Variants in PIP4K2B observed in about 807,000 individuals in gnomAD.
PIP4K2B encodes phosphatidylinositol-5-phosphate 4-kinase type 2 beta, also known as phosphatidylinositol 5-phosphate 4-kinase type-2 beta.
Under a neutral mutation model 42.0 loss-of-function variants are expected in PIP4K2B, and 3 were observed. The observed-to-expected ratio is 0.07, with a 90% CI of 0.03 to 0.18. PIP4K2B has a LOEUF of 0.18. PIP4K2B is among the 10% of genes least tolerant of loss of function. PIP4K2B has a pLI of 1.00. For synonymous variants in PIP4K2B, 204 were observed against 210.1 expected, an observed-to-expected ratio of 0.97 and a Z score of 0.25; for missense variants, 332 against 562.3, an observed-to-expected ratio of 0.59 and a Z score of 4.14.
At position 38,769,703 on chromosome 17, in the gene PIP4K2B, G is replaced by A. The variant is rs549240348; in HGVS notation, c.1239C>T (p.Asn413=). ...AGGTAGAAGAGAACTACGTCAGGATGTTGGACATAAACTCGTTGAAGCGTT... is the reference window on the plus strand; with the variant it reads ...AGGTAGAAGAGAACTACGTCAGGATATTGGACATAAACTCGTTGAAGCGTT... The part of the protein sequence containing the change: ...YSKRFNEFMS[N]ILT The change falls in exon 10 of 10, where the codon AAC becomes AAT. Residue 413 remains asparagine (N), a synonymous_variant. Transcript: ENST00000619039. 6.3e-6 allele frequency: 10 copies of A among 1,580,900 alleles called. No homozygotes were observed. In the African/African-American group the frequency reaches 1.3e-4, roughly 21 times the overall value.
rs77792159 is a variant in PIP4K2B at position 38,780,142 on chromosome 17, T to C, written c.507+310A>G. Among the ~76,000 whole-genome samples the C allele has an allele frequency of 3.5e-3, 532 of 152,160 alleles. 7 individuals are homozygous for C. The East Asian group carries it at 0.036, about 10-fold the overall frequency. ...GACAGGTTCCAGATGAGTGGAGAGATGGGACGGGAAAAGAAACAAGCCTGC... is the reference window on the plus strand; with the variant it reads ...GACAGGTTCCAGATGAGTGGAGAGACGGGACGGGAAAAGAAACAAGCCTGC... On this transcript the variant is annotated intron_variant, in intron 4 of 9. Transcript: ENST00000619039.
At chr17:38,796,099 C>T (rs1426222082) in intron 1 of PIP4K2B, among the ~76,000 whole-genome samples, 8 of 152,200 alleles carry the variant, frequency 5.3e-5, no homozygotes, top group Non-Finnish European at 8.8e-5. Flanking sequence ...GATTGCACCA[C>T]TGCACTCCAG....
chr17:38,770,689 C>A lies in PIP4K2B; in HGVS notation c.1067-150G>T, dbSNP rs1024068455. ...AAAGGACCAGTGGAGTCCTTTCCAG[C>A]TGTCATAGCTCTTATCTTATTGGAT... On this transcript the variant is annotated intron_variant, in intron 8 of 9. Coordinates refer to ENST00000619039, the MANE Select transcript of PIP4K2B (RefSeq NM_003559.5). 4.6e-6 allele frequency: 3 copies of A among 650,156 alleles called. No homozygotes were observed. The African/African-American group carries it at 5.5e-5, about 12-fold the overall frequency. 40.3% of individuals were successfully genotyped at this position (650,156 alleles called of 1,614,324 possible).
rs1425630895 is a variant in PIP4K2B, at chr17:38,777,729, C to A, written c.765G>T (p.Glu255Asp). 1 of 1,614,128 alleles carries A rather than the reference C, an allele frequency of 6.2e-7. No homozygotes were observed. The highest frequency in any genetic ancestry group is 2.2e-5 in the East Asian group (1 of 44,880). Residue 255 changes from glutamate (E) to aspartate (D), a missense_variant, in exon 7 of 10, where the codon GAG becomes GAT. Glu to Asp is a conservative substitution (Grantham distance 45). Coordinates refer to ENST00000619039, the MANE Select transcript of PIP4K2B (RefSeq NM_003559.5). ...NEGQKLHVGE[E>D]SKKNFLEKLK... ...GTTTCTCCAGGAAGTTCTTTTTACTCTCCTCTCCCACATGCAGCTTCTGCC... is the reference window on the plus strand; with the variant it reads ...GTTTCTCCAGGAAGTTCTTTTTACTATCCTCTCCCACATGCAGCTTCTGCC...
chr17:38,781,930 G>A (rs953750405), intron 3 of PIP4K2B, among the ~76,000 whole-genome samples: 3 of 151,588 alleles, frequency 2.0e-5, no homozygotes, highest in African/African-American at 4.9e-5. Flanking sequence ...CTCTCGCCTC[G>A]GCCTCCTGAG....
At chr17:38,788,312 T>C (rs918474872) in intron 1 of PIP4K2B, among the ~76,000 whole-genome samples, 55 of 152,170 alleles carry the variant, frequency 3.6e-4, no homozygotes, top group African/African-American at 1.2e-3. Flanking sequence ...ACCATTCTCC[T>C]GCCTCAGCCT....
At chr17:38,796,168 A>T (rs1203654169) in intron 1 of PIP4K2B, among the ~76,000 whole-genome samples, 2 of 152,182 alleles carry the variant, frequency 1.3e-5, no homozygotes, top group African/African-American at 4.8e-5. Flanking sequence ...AATCACAATG[A>T]GATACGAATT....
intron 7 of PIP4K2B, among the ~76,000 whole-genome samples, chr17:38,772,773 T>C (rs1909117029): frequency 6.6e-6 from 1 of 152,026 alleles, no homozygotes; most frequent in Non-Finnish European, 1.5e-5. Flanking sequence ...GTAGAGACAG[T>C]TTCATCATGT....
intron 2 of PIP4K2B, among the ~76,000 whole-genome samples, chr17:38,785,344 C>T (rs140989413): frequency 0.012 from 1,784 of 152,228 alleles, 13 homozygotes; most frequent in Non-Finnish European, 0.017. Flanking sequence ...TTATCTACCC[C>T]GTCTTCTAGT....
chr17:38,771,422 G>A (rs1166986022), intron 7 of PIP4K2B, 150 bp from the exon 8 acceptor site: 5 of 677,426 alleles, frequency 7.4e-6, no homozygotes, highest in African/African-American at 5.0e-5. Context: ...CAGAGCACCC[G>A]CCCTCGCGAG....
Position 38,768,102 on chromosome 17 carries a change from C to T in PIP4K2B, c.*1589G>A, listed in dbSNP as rs1336680204. 1 of 152,250 alleles carries T rather than the reference C, an allele frequency of 6.6e-6. No individual in the cohort carries two copies. The highest frequency in any genetic ancestry group is 1.5e-5 in the Non-Finnish European group (1 of 68,062). 9.4% of individuals were successfully genotyped at this position (152,250 alleles called of 1,614,324 possible). A position where few individuals can be genotyped will look rare whatever the true frequency, so the allele number is the denominator to read the frequency against. On this transcript the variant is annotated 3_prime_UTR_variant, in exon 10 of 10. Transcript: ENST00000619039. ...AGGTTTGGAGGGAGCCACAGGAAAC[C>T]AATCTATTCATTCAAAATGGTTTCA...
At chr17:38,794,865 C>T (rs969540395) in intron 1 of PIP4K2B, among the ~76,000 whole-genome samples, 2 of 151,710 alleles carry the variant, frequency 1.3e-5, no homozygotes, top group African/African-American at 2.4e-5. Context: ...TTTGGGAGGC[C>T]GAGGCGGGGG....
chr17:38,776,549 C>A, intron 7 of PIP4K2B: 2 of 391,820 alleles, frequency 5.1e-6, no homozygotes, highest in South Asian at 1.8e-5. Context: ...TCACTTGAAC[C>A]CAGGAGGCGG....
chr17:38,781,760 T>C (rs1909730770), intron 3 of PIP4K2B, among the ~76,000 whole-genome samples: 1 of 151,978 alleles, frequency 6.6e-6, no homozygotes. Context: ...CAAGCAATCC[T>C]CCTGCCTCAG....
intron 3 of PIP4K2B, among the ~76,000 whole-genome samples, chr17:38,783,468 C>T (rs973245044): frequency 1.3e-5 from 2 of 152,212 alleles, no homozygotes; most frequent in Non-Finnish European, 2.9e-5. Flanking sequence ...CCACTCCCAC[C>T]ACCAGGATAG....
Position 38,770,526 on chromosome 17 carries a change from C to T in PIP4K2B, c.1080G>A (p.Lys360=). The part of the protein sequence containing the change: ...AMKSHESSPK[K]EVYFMAIIDI... ...CAATGATGGCCATGAAATACACCTC[C>T]TTCTTGGGGGAACCTGGAGGGACAA... Residue 360 remains lysine (K), a synonymous_variant, in exon 9 of 10, where the codon AAG becomes AAA. Transcript: ENST00000619039. 1.3e-6 allele frequency: 2 copies of T among 1,596,912 alleles called. No individual in the cohort carries two copies. Among genetic ancestry groups the T allele is most frequent in the South Asian group, 1.1e-5 (1 of 90,422 alleles).
chr17:38,779,332 G>A (rs374282746), intron 5 of PIP4K2B, 51 bp downstream of exon 5: 354 of 1,553,590 alleles, frequency 2.3e-4, no homozygotes, highest in East Asian at 5.2e-4. Context: ...TGGCCCCTTC[G>A]GGGCTCAGAT....
At position 38,769,570 on chromosome 17, in the gene PIP4K2B, A is replaced by C; in HGVS notation, c.*121T>G. On this transcript the variant is annotated 3_prime_UTR_variant, in exon 10 of 10. Transcript: ENST00000619039. ...TCACAGGCTGCAGTCTCATTGCTAA[A>C]GCCCTCCCAAACCCGACTCTGCTCC... 5 of 739,076 alleles carry C rather than the reference A, an allele frequency of 6.8e-6. No homozygotes were observed. Among genetic ancestry groups the C allele is most frequent in the South Asian group, 5.9e-5 (4 of 67,482 alleles). 45.8% of individuals were successfully genotyped at this position (739,076 alleles called of 1,614,324 possible).
rs1300473078 is a variant in PIP4K2B at position 38,767,541 on chromosome 17, A to ACT, written c.*2149_*2150insAG. 3 of 152,304 alleles carry ACT rather than the reference A, an allele frequency of 2.0e-5. No homozygotes were observed. The highest frequency in any genetic ancestry group is 2.9e-5 in the Non-Finnish European group (2 of 68,040). 9.4% of individuals were successfully genotyped at this position (152,304 alleles called of 1,614,324 possible). A position where few individuals can be genotyped will look rare whatever the true frequency, so the allele number is the denominator to read the frequency against. On this transcript the variant is annotated 3_prime_UTR_variant, in exon 10 of 10. Coordinates refer to ENST00000619039, the MANE Select transcript of PIP4K2B (RefSeq NM_003559.5). ...CACACAAACATACACACACACACAC[A>ACT]AACTCAATGTTAAACAAGTTAGATA...
Sources: gnomAD v4.1 joint callset for allele counts (sites outside exome capture counted in the v4.1 genomes callset) on GRCh38, gnomAD v4.1.1 for gene constraint, MANE v1.5 for transcripts, NCBI Gene and HGNC (gene_info 2026-07-23, HGNC 2026-07-21) for gene names.